The following PRSS56 variants were observed in gnomAD, a reference collection of about 807,000 sequenced individuals.
PRSS56 encodes the protein protease, serine 56.
PRSS56 carries 55 observed loss-of-function variants against 66.8 expected under a neutral mutation model. That is an observed-to-expected ratio of 0.82 (90% CI 0.66 to 1.03). The LOEUF is 1.03. Among genes scored for constraint, PRSS56 ranks in the 50% least tolerant of loss-of-function variants. PRSS56 has a pLI of 0.00. For synonymous variants in PRSS56, 409 were observed against 387.9 expected (o/e 1.05, Z -0.64); for missense variants, 869 against 837.2 (o/e 1.04, Z -0.47).
Position 232,523,470 on chromosome 2 carries a change from G to T in PRSS56, c.904G>T (p.Val302Phe), listed in dbSNP as rs74703359. ...TGAGCCTGGCCCCCGCCCTAGAGAG[G>T]TCCTGTTCGGAGTCACCTCCTGGGG... ...CSEPGPRPRE[V>F]LFGVTSWGDG... Residue 302 changes from valine to phenylalanine, a missense_variant, in exon 8 of 13, where the codon GTC becomes TTC. Physicochemically the swap from Val to Phe is conservative, Grantham distance 50. Around this residue, in one of 3 missense-constraint regions of PRSS56, gnomAD observed 551 missense variants for 506.9 expected, o/e 1.09. Coordinates refer to ENST00000617714, the MANE Select transcript of PRSS56 (RefSeq NM_001195129.2). 1.8e-3 allele frequency: 2,669 copies of T among 1,522,556 alleles called. 2 individuals carry two copies. Among genetic ancestry groups the T allele is most frequent in the Non-Finnish European group, 2.1e-3 (2,431 of 1,140,324 alleles). 94.3% of individuals were successfully genotyped at this position (1,522,556 alleles called of 1,614,324 possible).
rs1010917658 is a variant in PRSS56 at position 232,525,212 on chromosome 2, G to A, written c.1522-4G>A. 1 of 1,478,828 alleles carries A rather than the reference G, an allele frequency of 6.8e-7. No individual in the cohort carries two copies. Among genetic ancestry groups the A allele is most frequent in the African/African-American group, 1.4e-5 (1 of 71,352 alleles). The allele number at this position is 1,478,828 out of a possible 1,614,324, so 91.6% of individuals were successfully genotyped here. A position where few individuals can be genotyped will look rare whatever the true frequency, so the allele number is the denominator to read the frequency against. The stretch of plus-strand genomic sequence containing the variant: ...GCCCCTGATCCCCACTCCTCCATCT[G>A]TAGGTCCTGGCAGATCTGGGCTCCA... On this transcript the variant is annotated splice_region_variant and splice_polypyrimidine_tract_variant and intron_variant, in intron 12 of 12. Coordinates refer to ENST00000617714, the MANE Select transcript of PRSS56 (RefSeq NM_001195129.2).
intron 4 of PRSS56, 149 bp downstream of exon 4, chr2:232,522,309 C>T: frequency 2.2e-6 from 2 of 892,656 alleles, no homozygotes; most frequent in Non-Finnish European, 1.5e-6. Context: ...CTCAAGGCGC[C>T]GCGCCCGCCC....
chr2:232,522,316 GC>G (rs1344614257), intron 4 of PRSS56, among the ~76,000 whole-genome samples, 156 bp downstream of exon 4: 1 of 152,006 alleles, frequency 6.6e-6, no homozygotes, highest in Non-Finnish European at 1.5e-5. Context: ...CGCCGCGCCC[GC>G]CCCGCCAGGA....
chr2:232,522,221 CG>C (rs1691294815), intron 4 of PRSS56, 61 bp downstream of exon 4: 1 of 1,340,168 alleles, frequency 7.5e-7, no homozygotes, highest in South Asian at 1.7e-5. Context: ...CCGCACCTGC[CG>C]GGTTGTCCGG....
chr2:232,522,062 G>C lies in PRSS56; in HGVS notation c.348G>C (p.Trp116Cys). 2 of 1,513,910 alleles carry C rather than the reference G, an allele frequency of 1.3e-6. No homozygotes were observed. Among genetic ancestry groups the C allele is most frequent in the South Asian group, 1.2e-5 (1 of 81,708 alleles). 93.8% of individuals were successfully genotyped at this position (1,513,910 alleles called of 1,614,324 possible). A position where few individuals can be genotyped will look rare whatever the true frequency, so the allele number is the denominator to read the frequency against. ...VGGSAAPPGA[W>C]PWLVRLQLGG... is the part of the protein sequence containing the mutation. ...GCAGCGCGGCGCCGCCCGGGGCCTG[G>C]CCCTGGCTGGTGAGGCTGCAGCTCG... The change falls in exon 4 of 13, where the codon TGG (tryptophan) becomes TGC (cysteine). Residue 116 changes from tryptophan (W) to cysteine (C), a missense_variant. Coordinates refer to ENST00000617714, the MANE Select transcript of PRSS56 (RefSeq NM_001195129.2).
chr2:232,522,054 G>C lies in PRSS56; in HGVS notation c.340G>C (p.Gly114Arg). The change falls in exon 4 of 13, where the codon GGG becomes CGG. Residue 114 changes from glycine to arginine, a missense_variant. Gly to Arg is a moderately radical substitution (Grantham distance 125). Transcript: ENST00000617714. ...RIVGGSAAPP[G>R]AWPWLVRLQL... ...CGTGGGGGGCAGCGCGGCGCCGCCC[G>C]GGGCCTGGCCCTGGCTGGTGAGGCT... 6.7e-7 allele frequency: 1 copy of C among 1,500,056 alleles called. No homozygotes were observed. The highest frequency in any genetic ancestry group is 1.3e-5 in the South Asian group (1 of 79,780). 92.9% of individuals were successfully genotyped at this position (1,500,056 alleles called of 1,614,324 possible). A position where few individuals can be genotyped will look rare whatever the true frequency, so the allele number is the denominator to read the frequency against.
chr2:232,523,357 C>G (rs1013747540), intron 7 of PRSS56, 59 bp from the exon 8 acceptor site: 2 of 1,426,310 alleles, frequency 1.4e-6, no homozygotes. Flanking sequence ...ACCTGCCAGG[C>G]GTAAGGCAGG....
At position 232,524,728 on chromosome 2, in the gene PRSS56, C is replaced by T; in HGVS notation, c.1415-10C>T. The T allele has an allele frequency of 6.6e-7, 1 of 1,510,584 alleles. No individual in the cohort carries two copies. The highest frequency in any genetic ancestry group is 8.9e-7 in the Non-Finnish European group (1 of 1,128,272). The allele number at this position is 1,510,584 out of a possible 1,614,324, so 93.6% of individuals were successfully genotyped here. A position where few individuals can be genotyped will look rare whatever the true frequency, so the allele number is the denominator to read the frequency against. On this transcript the variant is annotated splice_polypyrimidine_tract_variant and intron_variant, in intron 11 of 12. Transcript: ENST00000617714. Reference sequence around the variant, plus strand: ...GTTCATTATTCCCGGGGCCTCTCCTCTTCCTCCAGGCTGCCCTGGGCTGGA... The same window carrying T: ...GTTCATTATTCCCGGGGCCTCTCCTTTTCCTCCAGGCTGCCCTGGGCTGGA...
At chr2:232,525,053 G>T (rs957684776) in intron 12 of PRSS56, among the ~76,000 whole-genome samples, 163 bp from the exon 13 acceptor site, 1 of 151,024 alleles carries the variant, frequency 6.6e-6, no homozygotes, top group Non-Finnish European at 1.5e-5. Flanking sequence ...GGTGGGGAGA[G>T]TGAGTAGAGG....
In PRSS56 at chr2:232,520,645, T is replaced by G; in HGVS notation, c.47T>G (p.Phe16Cys). Residue 16 changes from phenylalanine (F) to cysteine (C), a missense_variant, in exon 1 of 13, where the codon TTT becomes TGT. By Grantham distance (205) the Phe-to-Cys change is radical. This residue lies in a region of PRSS56 where 315 missense variants were observed against 313.7 expected (regional missense o/e 1.00). Transcript: ENST00000617714. ...CTGCTACCCCTCCCAAGCTCATGGT[T>G]TGCCCACGGGCACCCACTGTACACA... ...LLLLPLPSSW[F>C]AHGHPLYTRL... The G allele has an allele frequency of 6.5e-7, 1 of 1,536,052 alleles. No individual in the cohort carries two copies. Among genetic ancestry groups the G allele is most frequent in the South Asian group, 1.2e-5 (1 of 84,056 alleles).
At position 232,521,179 on chromosome 2, in the gene PRSS56, C is replaced by T. The variant is rs150508943; in HGVS notation, c.98-142C>T. ...GAGCACGGGCTCTGAGTGCTGGGCC[C>T]AGCGTCCCCGGGGCTCACTTGCCTC... On this transcript the variant is annotated intron_variant, in intron 1 of 12. Coordinates refer to ENST00000617714, the MANE Select transcript of PRSS56 (RefSeq NM_001195129.2). The T allele has an allele frequency of 2.5e-4, 161 of 639,598 alleles. 2 individuals are homozygous for T. The East Asian group carries it at 4.2e-3, about 17-fold the overall frequency. The allele number at this position is 639,598 out of a possible 1,614,324, so 39.6% of individuals were successfully genotyped here.
At chr2:232,521,617 G>C (rs932801584) in intron 2 of PRSS56, among the ~76,000 whole-genome samples, 189 bp downstream of exon 2, 1 of 152,252 alleles carries the variant, frequency 6.6e-6, no homozygotes, top group African/African-American at 2.4e-5. Context: ...TTGGGGCATG[G>C]CCTGTGCAAA....
chr2:232,524,434 G>C (rs1574624588), intron 11 of PRSS56, 65 bp downstream of exon 11: 7 of 1,461,058 alleles, frequency 4.8e-6, no homozygotes, highest in Non-Finnish European at 6.4e-6. Context: ...GGTCGGAAGC[G>C]CTTCTACTGC....
intron 11 of PRSS56, 125 bp downstream of exon 11, chr2:232,524,494 C>G (rs925616007): frequency 6.5e-6 from 6 of 922,448 alleles, no homozygotes; most frequent in Non-Finnish European, 9.6e-6. Flanking sequence ...ACTCGTTCTC[C>G]CCTCCCCGCC....
In PRSS56 at chr2:232,525,591, G is replaced by A. The variant is rs950453806; in HGVS notation, c.*85G>A. On this transcript the variant is annotated 3_prime_UTR_variant, in exon 13 of 13. Coordinates refer to ENST00000617714, the MANE Select transcript of PRSS56 (RefSeq NM_001195129.2). ...TTCGGGAGCATAATGACAAACTGTC[G>A]CTGCCCCAGTGGCTGGGTGTGTGTG... 10 of 1,175,930 alleles carry A rather than the reference G, an allele frequency of 8.5e-6. No homozygotes were observed. The East Asian group carries it at 1.4e-4, about 17-fold the overall frequency. The allele number at this position is 1,175,930 out of a possible 1,614,324, so 72.8% of individuals were successfully genotyped here. A position where few individuals can be genotyped will look rare whatever the true frequency, so the allele number is the denominator to read the frequency against.
chr2:232,522,039 A>G lies in PRSS56; in HGVS notation c.325A>G (p.Ser109Gly). The G allele has an allele frequency of 1.4e-6, 2 of 1,474,916 alleles. No homozygotes were observed. Among genetic ancestry groups the G allele is most frequent in the African/African-American group, 2.9e-5 (2 of 69,248 alleles). The allele number at this position is 1,474,916 out of a possible 1,614,324, so 91.4% of individuals were successfully genotyped here. Residue 109 changes from serine to glycine, a missense_variant, in exon 4 of 13, where the codon AGC becomes GGC. Transcript: ENST00000617714. ...GGCCCACGGCCGCATCGTGGGGGGC[A>G]GCGCGGCGCCGCCCGGGGCCTGGCC... ...TRAHGRIVGG[S>G]AAPPGAWPWL...
chr2:232,523,977 G>A (rs1007239511), intron 9 of PRSS56, 32 bp downstream of exon 9: 6 of 1,522,150 alleles, frequency 3.9e-6, no homozygotes, highest in Admixed American at 4.0e-5. Flanking sequence ...CCGGACGGGG[G>A]GCAGAGGGGA....
intron 7 of PRSS56, 56 bp downstream of exon 7, chr2:232,523,258 G>C: frequency 7.0e-7 from 1 of 1,422,440 alleles, no homozygotes; most frequent in Non-Finnish European, 9.2e-7. Context: ...GGCCACTACG[G>C]CCTCTTTTCC....
At position 232,520,553 on chromosome 2, in the gene PRSS56, G is replaced by T; in HGVS notation, c.-46G>T. 1.4e-6 allele frequency: 2 copies of T among 1,475,114 alleles called. No homozygotes were observed. Among genetic ancestry groups the T allele is most frequent in the Non-Finnish European group, 1.8e-6 (2 of 1,091,298 alleles). The allele number at this position is 1,475,114 out of a possible 1,614,324, so 91.4% of individuals were successfully genotyped here. A position where few individuals can be genotyped will look rare whatever the true frequency, so the allele number is the denominator to read the frequency against. ...GATAGGCACCCGGAAGGTGGACTCC[G>T]AGGAGGAGAGAGGACAGGGGTCTCT... On this transcript the variant is annotated 5_prime_UTR_variant, in exon 1 of 13. Transcript: ENST00000617714.
Sources: allele counts gnomAD v4.1 joint callset (sites outside exome capture counted in the v4.1 genomes callset), GRCh38; gene constraint gnomAD v4.1.1; regional missense constraint gnomAD v4.1.1; transcripts MANE v1.5; gene names NCBI Gene and HGNC (gene_info 2026-07-23, HGNC 2026-07-21).